BCAS4: variants seen among roughly 807,000 people sequenced by gnomAD.
BCAS4 encodes the protein breast carcinoma-amplified sequence 4.
Under a neutral mutation model 15.7 loss-of-function variants are expected in BCAS4, and 9 were observed. The observed-to-expected ratio is 0.57, with a 90% CI of 0.34 to 1.00. BCAS4 has a LOEUF of 1.00. Ranked by LOEUF, BCAS4 falls within the 50% of genes least tolerant of loss-of-function variation. The pLI is 0.02. For synonymous variants in BCAS4, 101 were observed against 99.5 expected, an observed-to-expected ratio of 1.02 and a Z score of -0.09; for missense variants, 225 against 239.1, an observed-to-expected ratio of 0.94 and a Z score of 0.39.
At chr20:50,849,123 C>T (rs913058884) in intron 4 of BCAS4, among the ~76,000 whole-genome samples, 1 of 152,266 alleles carries the variant, frequency 6.6e-6, no homozygotes, top group Non-Finnish European at 1.5e-5. Context: ...CCTCCTGGCT[C>T]ACGTGCCCAG....
upstream of BCAS4, chr20:50,794,963 T>G (rs894782986): frequency 8.2e-7 from 1 of 1,218,924 alleles, no homozygotes; most frequent in African/African-American, 1.6e-5. Flanking sequence ...GGAGCGCACC[T>G]GCCCCGCCTC....
chr20:50,862,410 T>C (rs1033708817), intron 4 of BCAS4, among the ~76,000 whole-genome samples: 16 of 152,208 alleles, frequency 1.1e-4, no homozygotes, highest in African/African-American at 3.9e-4. Context: ...TTGAAAACCA[T>C]CCATCCCTTT....
chr20:50,797,263 G>A (rs376994641), intron 1 of BCAS4, among the ~76,000 whole-genome samples: 2 of 152,292 alleles, frequency 1.3e-5, no homozygotes, highest in Middle Eastern at 3.4e-3. Flanking sequence ...ATGGGGCTTC[G>A]TTTTGGTGTA....
intron 4 of BCAS4, 69 bp from the exon 5 acceptor site, chr20:50,876,417 C>G: frequency 6.3e-7 from 1 of 1,578,186 alleles, no homozygotes; most frequent in Non-Finnish European, 8.6e-7. Context: ...ACTTGTAGAC[C>G]GGGAATTCCT....
chr20:50,814,300 GT>G (rs1048565042), intron 1 of BCAS4, among the ~76,000 whole-genome samples: 8 of 152,216 alleles, frequency 5.3e-5, no homozygotes, highest in African/African-American at 1.4e-4. Flanking sequence ...AGAGCATCTT[GT>G]TTTTGTTTTG....
At chr20:50,821,844 C>A (rs1219847669) in intron 2 of BCAS4, among the ~76,000 whole-genome samples, 1 of 152,194 alleles carries the variant, frequency 6.6e-6, no homozygotes, top group Admixed American at 6.5e-5. Flanking sequence ...TGTTCTGGGA[C>A]CTCTTTTAAC....
intron 1 of BCAS4, among the ~76,000 whole-genome samples, chr20:50,816,769 C>A (rs2088142136): frequency 1.4e-5 from 2 of 146,218 alleles, no homozygotes; most frequent in East Asian, 4.0e-4. Context: ...GGACTACAGA[C>A]ATGCACCACC....
At chr20:50,853,424 G>A (rs951470877) in intron 4 of BCAS4, among the ~76,000 whole-genome samples, 3 of 152,028 alleles carry the variant, frequency 2.0e-5, no homozygotes, top group Non-Finnish European at 4.4e-5. Context: ...ACAGGTGTAA[G>A]CCACCTCACC....
intron 4 of BCAS4, among the ~76,000 whole-genome samples, chr20:50,855,091 T>C (rs1160270934): frequency 6.6e-6 from 1 of 152,168 alleles, no homozygotes; most frequent in Non-Finnish European, 1.5e-5. Context: ...AGGGGTGTCT[T>C]GGGTCCCACC....
At chr20:50,868,108 G>A (rs1979446953) in intron 4 of BCAS4, among the ~76,000 whole-genome samples, 2 of 152,134 alleles carry the variant, frequency 1.3e-5, no homozygotes, top group Admixed American at 1.3e-4. Context: ...TGTGGGTTTG[G>A]GGGAGGAAGA....
intron 1 of BCAS4, among the ~76,000 whole-genome samples, chr20:50,807,968 C>A (rs550703931): frequency 6.9e-6 from 1 of 144,760 alleles, no homozygotes; most frequent in African/African-American, 2.6e-5. Context: ...AGTGCAGTGG[C>A]GTGATCTCGG....
downstream of BCAS4, chr20:50,879,132 C>T (rs1980065338): frequency 6.6e-6 from 1 of 152,268 alleles, no homozygotes; most frequent in Non-Finnish European, 1.5e-5. Context: ...TAGATCATTC[C>T]CATGGCTGTG....
intron 3 of BCAS4, among the ~76,000 whole-genome samples, chr20:50,834,514 C>T (rs573885841): frequency 6.6e-6 from 1 of 151,998 alleles, no homozygotes; most frequent in South Asian, 2.1e-4. Context: ...AGGCTGGTCT[C>T]GAACTCCTGA....
chr20:50,824,564 A>T (rs1257152700), intron 2 of BCAS4, among the ~76,000 whole-genome samples: 2 of 152,246 alleles, frequency 1.3e-5, no homozygotes, highest in Non-Finnish European at 2.9e-5. Context: ...CTCAGAGCGT[A>T]GCCCAAGGCG....
intron 4 of BCAS4, among the ~76,000 whole-genome samples, chr20:50,875,617 A>AG (rs1369470105): frequency 1.4e-3 from 218 of 151,026 alleles, no homozygotes; most frequent in African/African-American, 5.0e-3. Context: ...AAAAAAAAAA[A>AG]AAAAAGAAAA....
chr20:50,824,589 C>A (rs2088254695), intron 2 of BCAS4, among the ~76,000 whole-genome samples: 1 of 152,200 alleles, frequency 6.6e-6, no homozygotes, highest in African/African-American at 2.4e-5. Flanking sequence ...AATGTAAACA[C>A]CTGTAATGTA....
intron 1 of BCAS4, 45 bp downstream of exon 1, chr20:50,795,218 T>A: frequency 7.5e-7 from 1 of 1,324,588 alleles, no homozygotes; most frequent in South Asian, 1.8e-5. Flanking sequence ...TTCTCGCGGT[T>A]AGGGGTCCGG....
At chr20:50,812,076 C>A (rs905666309) in intron 1 of BCAS4, among the ~76,000 whole-genome samples, 2 of 152,184 alleles carry the variant, frequency 1.3e-5, no homozygotes, top group Admixed American at 6.5e-5. Context: ...TGTAGGGATA[C>A]ATCACATTTT....
Position 50,818,283 on chromosome 20 carries a change from G to A in BCAS4, c.162+1G>A, listed in dbSNP as rs1201870542. 4 of 1,612,886 alleles carry A rather than the reference G, an allele frequency of 2.5e-6. No individual in the cohort carries two copies. Among genetic ancestry groups the A allele is most frequent in the Non-Finnish European group, 3.4e-6 (4 of 1,179,652 alleles). ...AGAGTTTTGCAGCCTGGCTGACCTG[G>A]TGAGTGGCTGCCTGGAAGGCGTGGG... is the stretch of plus-strand genomic sequence containing the variant. On this transcript the variant is annotated splice_donor_variant, in intron 2 of 4. Coordinates refer to ENST00000371608, the MANE Select transcript of BCAS4 (RefSeq NM_198799.4). LOFTEE classifies it high-confidence loss of function.
Sources: gnomAD v4.1 joint callset for allele counts (sites outside exome capture counted in the v4.1 genomes callset) on GRCh38, gnomAD v4.1.1 for gene constraint, MANE v1.5 for transcripts, NCBI Gene and HGNC (gene_info 2026-07-23, HGNC 2026-07-21) for gene names.